The following THSD7A variants were observed in gnomAD, a reference collection of about 807,000 sequenced individuals.
THSD7A encodes thrombospondin type 1 domain containing 7A, also known as thrombospondin type-1 domain-containing protein 7A.
Under a neutral mutation model 231.3 loss-of-function variants are expected in THSD7A, and 96 were observed. The observed-to-expected ratio is 0.41, with a 90% CI of 0.35 to 0.49. The LOEUF is 0.49. Among genes scored for constraint, THSD7A ranks in the 20% least tolerant of loss-of-function variants. THSD7A has a pLI of 0.05. For missense variants in THSD7A, 2,290 were observed against 2,070.2 expected (o/e 1.11, Z -2.06); for synonymous variants, 940 against 743.3 (o/e 1.26, Z -4.30).
chr7:11,670,096 A>G (rs1220167297), intron 1 of THSD7A, among the ~76,000 whole-genome samples: 3 of 152,198 alleles, frequency 2.0e-5, no homozygotes, highest in Non-Finnish European at 4.4e-5. Context: ...TTCAGAAGAA[A>G]GGACCCTAAA....
At position 11,411,443 on chromosome 7, in the gene THSD7A, C is replaced by A. The variant is rs1783784097; in HGVS notation, c.3683-121G>T. 1.5e-6 allele frequency: 1 copy of A among 676,528 alleles called. No individual in the cohort carries two copies. Among genetic ancestry groups the A allele is most frequent in the Admixed American group, 2.7e-5 (1 of 36,920 alleles). 41.9% of individuals were successfully genotyped at this position (676,528 alleles called of 1,614,324 possible). ...CTGCTTCCTAAGCCCCATAATCAAT[C>A]ATCCCCCATGCAGAGCATATGGGTC... is the stretch of plus-strand genomic sequence containing the variant. On this transcript the variant is annotated intron_variant, in intron 18 of 27. Transcript: ENST00000423059. The surrounding 1 kb of genome is among the most constrained non-coding windows in gnomAD (Gnocchi z 4.1).
chr7:11,519,011 A>T (rs1788152077), intron 6 of THSD7A, among the ~76,000 whole-genome samples: 1 of 152,228 alleles, frequency 6.6e-6, no homozygotes, highest in South Asian at 2.1e-4. Context: ...CTGAATGAGG[A>T]TAAATAACTT....
chr7:11,567,541 C>T (rs1446250361), intron 4 of THSD7A, among the ~76,000 whole-genome samples: 1 of 152,164 alleles, frequency 6.6e-6, no homozygotes, highest in Non-Finnish European at 1.5e-5. Context: ...TCTTGATGTT[C>T]ATTCCAAATA....
chr7:11,645,259 T>G (rs1324741151), intron 1 of THSD7A, among the ~76,000 whole-genome samples: 1 of 151,856 alleles, frequency 6.6e-6, no homozygotes, highest in Non-Finnish European at 1.5e-5. Flanking sequence ...TCCAGCATTC[T>G]CATGGATGTT....
At chr7:11,665,783 C>A (rs1394532467) in intron 1 of THSD7A, among the ~76,000 whole-genome samples, 1 of 151,574 alleles carries the variant, frequency 6.6e-6, no homozygotes, top group Admixed American at 6.6e-5. Flanking sequence ...TTGGGGGCCC[C>A]CTCAGAAAAA....
At chr7:11,803,065 T>C (rs1784318197) in intron 1 of THSD7A, among the ~76,000 whole-genome samples, 1 of 152,104 alleles carries the variant, frequency 6.6e-6, no homozygotes, top group African/African-American at 2.4e-5. Flanking sequence ...TGTAATAAGA[T>C]AATTTGGTAG....
chr7:11,797,412 CTTTTTTTTT>C (rs59662790), intron 1 of THSD7A, among the ~76,000 whole-genome samples: 4 of 109,010 alleles, frequency 3.7e-5, no homozygotes, highest in Admixed American at 9.7e-5. Flanking sequence ...CTGCCTCTCT[CTTTTTTTTT>C]TTTTTTTTTT....
intron 16 of THSD7A, 80 bp downstream of exon 16, chr7:11,424,616 G>C: frequency 2.5e-6 from 4 of 1,570,330 alleles, no homozygotes; most frequent in East Asian, 2.2e-5. Flanking sequence ...CTGGGGAGGA[G>C]TGAACAGTCA....
chr7:11,809,474 C>G (rs927538954), intron 1 of THSD7A, among the ~76,000 whole-genome samples: 4 of 152,088 alleles, frequency 2.6e-5, no homozygotes, highest in Non-Finnish European at 5.9e-5. Flanking sequence ...AAGGACCTTT[C>G]TTTTTTTGTG....
chr7:11,521,421 T>C lies in THSD7A; in HGVS notation c.1822+19998A>G, dbSNP rs1416167109. Among the ~76,000 whole-genome samples the C allele has an allele frequency of 1.3e-5, 2 of 151,528 alleles. 1 individual carries two copies. Among genetic ancestry groups the C allele is most frequent in the South Asian group, 4.2e-4 (2 of 4,804 alleles). On this transcript the variant is annotated intron_variant, in intron 6 of 27. Coordinates refer to ENST00000423059, the MANE Select transcript of THSD7A (RefSeq NM_015204.3). ...CTAATATAGAACTCTCTAGAGACACTGAAGTCACAAGCTTAGGGCACTGAG... is the reference window on the plus strand; with the variant it reads ...CTAATATAGAACTCTCTAGAGACACCGAAGTCACAAGCTTAGGGCACTGAG...
At chr7:11,673,984 C>T (rs937138710) in intron 1 of THSD7A, among the ~76,000 whole-genome samples, 20 of 151,922 alleles carry the variant, frequency 1.3e-4, no homozygotes, top group African/African-American at 3.9e-4. Context: ...CAGGGATCTT[C>T]GAACTCTGAG....
chr7:11,703,781 T>C (rs748210755), intron 1 of THSD7A, among the ~76,000 whole-genome samples: 10 of 151,232 alleles, frequency 6.6e-5, no homozygotes, highest in Admixed American at 1.3e-4. Flanking sequence ...ATAGAACCTA[T>C]TGAAATTCAC....
At chr7:11,612,468 G>A (rs1780968103) in intron 2 of THSD7A, among the ~76,000 whole-genome samples, 2 of 152,338 alleles carry the variant, frequency 1.3e-5, no homozygotes, top group South Asian at 4.1e-4. Flanking sequence ...AGGTATGACA[G>A]TCAAAATCTG....
intron 2 of THSD7A, among the ~76,000 whole-genome samples, chr7:11,612,265 G>T (rs937933918): frequency 6.6e-6 from 1 of 152,116 alleles, no homozygotes; most frequent in Non-Finnish European, 1.5e-5. Context: ...CAGCAAGCTC[G>T]ACTGACACCA....
At chr7:11,436,825 C>A (rs1223226047) in intron 13 of THSD7A, among the ~76,000 whole-genome samples, 1 of 151,648 alleles carries the variant, frequency 6.6e-6, no homozygotes, top group Non-Finnish European at 1.5e-5. Flanking sequence ...GATAAACTAG[C>A]AATAAATTAA....
At chr7:11,638,948 G>C (rs537503007) in intron 1 of THSD7A, among the ~76,000 whole-genome samples, 8 of 152,208 alleles carry the variant, frequency 5.3e-5, no homozygotes, top group African/African-American at 1.9e-4. Flanking sequence ...TTCTCAAAAT[G>C]AGAACCCAGT....
intron 1 of THSD7A, among the ~76,000 whole-genome samples, chr7:11,772,374 A>G (rs1384645737): frequency 6.6e-6 from 1 of 152,184 alleles, no homozygotes; most frequent in African/African-American, 2.4e-5. Context: ...ATTACTGGGT[A>G]TATATGCAAA....
intron 17 of THSD7A, among the ~76,000 whole-genome samples, chr7:11,413,511 A>G (rs1783858268): frequency 6.6e-6 from 1 of 152,222 alleles, no homozygotes; most frequent in East Asian, 1.9e-4. Context: ...TAAGAAAATT[A>G]TGGCAGTAAA....
chr7:11,639,388 G>C (rs551891136), intron 1 of THSD7A, among the ~76,000 whole-genome samples: 1 of 152,192 alleles, frequency 6.6e-6, no homozygotes, highest in Admixed American at 6.5e-5. Flanking sequence ...GTTGTGATTG[G>C]GCCGGGCGCT....
Sources: gnomAD v4.1 joint callset for allele counts (sites outside exome capture counted in the v4.1 genomes callset) on GRCh38, gnomAD v4.1.1 for gene constraint, Gnocchi (gnomAD v3.1) non-coding constraint, MANE v1.5 for transcripts, NCBI Gene and HGNC (gene_info 2026-07-23, HGNC 2026-07-21) for gene names.